MAGI1: variants seen among roughly 807,000 people sequenced by gnomAD.
MAGI1 encodes membrane-associated guanylate kinase, WW and PDZ domain-containing protein 1.
A neutral mutation model predicts 139.9 loss-of-function variants in MAGI1; 58 were observed. The observed-to-expected ratio is 0.41, with a 90% CI of 0.34 to 0.52. MAGI1 has a LOEUF of 0.52. MAGI1 is among the 20% of genes least tolerant of loss of function. The probability of loss-of-function intolerance (pLI) is 0.12; values close to 1 mark genes in which losing one functional copy is unlikely to be tolerated. For missense variants in MAGI1, 1,874 were observed against 1,901.6 expected, an observed-to-expected ratio of 0.99 and a Z score of 0.27; for synonymous variants, 812 against 737.9, an observed-to-expected ratio of 1.10 and a Z score of -1.63.
At chr3:65,830,585 A>T (rs2042468840) in intron 1 of MAGI1, among the ~76,000 whole-genome samples, 1 of 152,084 alleles carries the variant, frequency 6.6e-6, no homozygotes, top group Non-Finnish European at 1.5e-5. Flanking sequence ...TCTGTATCAG[A>T]CTCCTTATCA....
chr3:65,761,413 A>G (rs1376300336), intron 1 of MAGI1, among the ~76,000 whole-genome samples: 7 of 152,218 alleles, frequency 4.6e-5, no homozygotes, highest in Non-Finnish European at 8.8e-5. Flanking sequence ...TATATTTCCA[A>G]TAGACCTAGT....
intron 10 of MAGI1, among the ~76,000 whole-genome samples, chr3:65,431,822 C>T (rs979026448): frequency 4.7e-5 from 7 of 149,328 alleles, no homozygotes; most frequent in Middle Eastern, 6.8e-3. Flanking sequence ...CCTGTCTCTA[C>T]TAAAAAAAAA....
At chr3:65,573,544 AAT>A (rs200060486) in intron 2 of MAGI1, among the ~76,000 whole-genome samples, 422 of 148,906 alleles carry the variant, frequency 2.8e-3, no homozygotes, top group South Asian at 0.01. Context: ...CTGATTTAAA[AAT>A]AAAAAAAAAA....
intron 4 of MAGI1, among the ~76,000 whole-genome samples, chr3:65,477,906 T>C (rs1950998865): frequency 6.6e-6 from 1 of 151,308 alleles, no homozygotes; most frequent in South Asian, 2.1e-4. Flanking sequence ...TCCTTGAAAA[T>C]CCCTTCATAA....
At chr3:65,962,882 G>A (rs1481226825) in intron 1 of MAGI1, among the ~76,000 whole-genome samples, 2 of 97,862 alleles carry the variant, frequency 2.0e-5, no homozygotes, top group African/African-American at 3.9e-5. Flanking sequence ...GAGGAGAAAA[G>A]AAAAAGAAAG....
At chr3:65,771,325 A>AAAG (rs1553704632) in intron 1 of MAGI1, among the ~76,000 whole-genome samples, 1 of 148,980 alleles carries the variant, frequency 6.7e-6, no homozygotes, top group Non-Finnish European at 1.5e-5. Flanking sequence ...AAAAAAAAAA[A>AAAG]AAGAAGACGA....
chr3:65,756,963 A>G (rs1404827358), intron 1 of MAGI1, among the ~76,000 whole-genome samples: 2 of 152,216 alleles, frequency 1.3e-5, no homozygotes, highest in Non-Finnish European at 2.9e-5. Flanking sequence ...TTAGTTAAAG[A>G]AAATAACTCA....
At chr3:65,808,238 G>A (rs1410297163) in intron 1 of MAGI1, among the ~76,000 whole-genome samples, 1 of 152,104 alleles carries the variant, frequency 6.6e-6, no homozygotes, top group Admixed American at 6.6e-5. Flanking sequence ...ACCCGCCTTG[G>A]CCTCCCAAAT....
chr3:65,703,359 G>C (rs1229255245), intron 1 of MAGI1, among the ~76,000 whole-genome samples: 1 of 152,002 alleles, frequency 6.6e-6, no homozygotes, highest in Non-Finnish European at 1.5e-5. Context: ...AGATTGCCCT[G>C]GACAAGTTTT....
intron 1 of MAGI1, among the ~76,000 whole-genome samples, chr3:65,769,159 G>C (rs1486566558): frequency 6.6e-6 from 1 of 152,084 alleles, no homozygotes; most frequent in Non-Finnish European, 1.5e-5. Flanking sequence ...AAAAGTTGTC[G>C]ATCTGTTTTT....
intron 2 of MAGI1, among the ~76,000 whole-genome samples, chr3:65,601,856 T>C (rs1214902164): frequency 2.0e-5 from 3 of 152,174 alleles, no homozygotes; most frequent in Non-Finnish European, 4.4e-5. Context: ...GAAGCATTTA[T>C]CTGATAAGGT....
chr3:65,930,853 G>C (rs910428069), intron 1 of MAGI1, among the ~76,000 whole-genome samples: 3 of 152,102 alleles, frequency 2.0e-5, no homozygotes, highest in Non-Finnish European at 4.4e-5. Flanking sequence ...GGAAGTTACC[G>C]TATATGGTCT....
intron 1 of MAGI1, among the ~76,000 whole-genome samples, chr3:65,820,518 T>TGG (rs2041889661): frequency 6.6e-6 from 1 of 152,098 alleles, no homozygotes; most frequent in East Asian, 1.9e-4. Context: ...ACATACACAT[T>TGG]AGGCGTCCTT....
At chr3:65,485,891 C>A (rs576698486) in intron 3 of MAGI1, among the ~76,000 whole-genome samples, 13 of 152,180 alleles carry the variant, frequency 8.5e-5, no homozygotes, top group Non-Finnish European at 1.9e-4. Context: ...GATCTCTAAG[C>A]AGGGAATTAA....
At chr3:65,535,649 A>G (rs17073070) in intron 2 of MAGI1, among the ~76,000 whole-genome samples, 47,871 of 152,210 alleles carry the variant, frequency 0.31, 8,766 homozygotes, top group East Asian at 0.67. Context: ...GAAACTATCA[A>G]TGGCATTCAA....
intron 15 of MAGI1, among the ~76,000 whole-genome samples, chr3:65,383,082 G>GT (rs1943179672): frequency 6.6e-6 from 1 of 152,108 alleles, no homozygotes; most frequent in Non-Finnish European, 1.5e-5. Context: ...CTCAAGTTTT[G>GT]TAAAGGCAGG....
chr3:65,432,757 C>A (rs1947559396), intron 10 of MAGI1, among the ~76,000 whole-genome samples: 1 of 152,090 alleles, frequency 6.6e-6, no homozygotes, highest in African/African-American at 2.4e-5. Context: ...AGATAACCCC[C>A]AAAGTTTACT....
chr3:65,919,406 A>C (rs1227240551), intron 1 of MAGI1, among the ~76,000 whole-genome samples: 1 of 151,744 alleles, frequency 6.6e-6, no homozygotes, highest in Non-Finnish European at 1.5e-5. Flanking sequence ...CTACAAAAAA[A>C]TTTTTAAATT....
rs116371060 is a variant in MAGI1, at chr3:65,646,384, C to T, written c.314-24296G>A. 7.5e-3 allele frequency among the ~76,000 whole-genome samples: 1,136 copies of T among 151,744 alleles called. 4 individuals carry two copies. The highest frequency in any genetic ancestry group is 0.013 in the Non-Finnish European group (867 of 67,820). Reference sequence around the variant, plus strand: ...AATGTGTGTGCACTAAACAAGAGAGCTGCAAAATACATAATGCAATAACTG... The same window carrying T: ...AATGTGTGTGCACTAAACAAGAGAGTTGCAAAATACATAATGCAATAACTG... On this transcript the variant is annotated intron_variant, in intron 1 of 22. Transcript: ENST00000402939.
Sources: gnomAD v4.1 joint callset for allele counts (sites outside exome capture counted in the v4.1 genomes callset) on GRCh38, gnomAD v4.1.1 for gene constraint, MANE v1.5 for transcripts, NCBI Gene and HGNC (gene_info 2026-07-23, HGNC 2026-07-21) for gene names.